The following CTNND2 variants were observed in gnomAD, a reference collection of about 807,000 sequenced individuals.
CTNND2 encodes catenin delta-2.
In CTNND2, 22 loss-of-function variants were observed where a neutral mutation model predicts 144.4. That is an observed-to-expected ratio of 0.15 (90% CI 0.11 to 0.22). CTNND2 has a LOEUF of 0.22. CTNND2 is among the 10% of genes least tolerant of loss of function. CTNND2 has a pLI of 1.00. For missense variants in CTNND2, 1,353 were observed against 1,618.8 expected (o/e 0.84, Z 2.82); for synonymous variants, 751 against 695.6 (o/e 1.08, Z -1.25).
intron 6 of CTNND2, among the ~76,000 whole-genome samples, chr5:11,391,859 C>T (rs1759653470): frequency 6.6e-6 from 1 of 152,216 alleles, no homozygotes; most frequent in East Asian, 1.9e-4. Flanking sequence ...TGATGTCCCA[C>T]TGACACTGAA....
chr5:11,275,734 T>C (rs769832144), intron 9 of CTNND2, among the ~76,000 whole-genome samples: 25 of 152,256 alleles, frequency 1.6e-4, no homozygotes, highest in Non-Finnish European at 2.5e-4. Context: ...AGCAAGACTT[T>C]GAAACAGCTA....
At chr5:11,404,394 A>G (rs1760896404) in intron 5 of CTNND2, among the ~76,000 whole-genome samples, 3 of 152,052 alleles carry the variant, frequency 2.0e-5, no homozygotes, top group Admixed American at 2.0e-4. Flanking sequence ...TTTTCTGACT[A>G]GAATGTAAAT....
intron 3 of CTNND2, among the ~76,000 whole-genome samples, chr5:11,459,794 T>C (rs1430717465): frequency 1.3e-5 from 2 of 152,182 alleles, no homozygotes; most frequent in Non-Finnish European, 2.9e-5. Context: ...TTAGTCAAGA[T>C]TGTATTTAAT....
rs948399598 is a variant in CTNND2 at position 11,871,958 on chromosome 5, C to T, written c.37+31859G>A. On this transcript the variant is annotated intron_variant, in intron 1 of 21. Transcript: ENST00000304623. Reference sequence around the variant, plus strand: ...TTCTGGGACACATGTGCAGAATACACGTGCCATGGTGGTTTGCTGCATCCA... The same window carrying T: ...TTCTGGGACACATGTGCAGAATACATGTGCCATGGTGGTTTGCTGCATCCA... Among the ~76,000 whole-genome samples the T allele has an allele frequency of 3.3e-5, 5 of 152,184 alleles. No individual in the cohort carries two copies. In the East Asian group the frequency reaches 5.8e-4, roughly 18 times the overall value.
intron 9 of CTNND2, among the ~76,000 whole-genome samples, chr5:11,310,692 G>C (rs765599581): frequency 4.6e-5 from 7 of 151,674 alleles, no homozygotes; most frequent in Non-Finnish European, 8.8e-5. Context: ...CATCTCAGTA[G>C]ATGCCTCTCT....
At chr5:11,440,441 G>A (rs1226841757) in intron 3 of CTNND2, among the ~76,000 whole-genome samples, 1 of 152,112 alleles carries the variant, frequency 6.6e-6, no homozygotes, top group African/African-American at 2.4e-5. Flanking sequence ...TAATAAGACA[G>A]GCAATTTACC....
chr5:11,699,448 T>C (rs1206544817), intron 2 of CTNND2, among the ~76,000 whole-genome samples: 2 of 151,998 alleles, frequency 1.3e-5, no homozygotes, highest in African/African-American at 4.8e-5. Flanking sequence ...TATTTATGGG[T>C]ATGTGGAGTT....
chr5:11,235,127 A>G (rs1741482419), intron 10 of CTNND2, among the ~76,000 whole-genome samples: 1 of 152,306 alleles, frequency 6.6e-6, no homozygotes, highest in Admixed American at 6.5e-5. Context: ...GTGGGAGTCC[A>G]TCCCACTTCG....
At chr5:10,986,224 A>G (rs1280930515) in intron 20 of CTNND2, among the ~76,000 whole-genome samples, 2 of 152,352 alleles carry the variant, frequency 1.3e-5, no homozygotes, top group African/African-American at 2.4e-5. Flanking sequence ...GAAACATAGT[A>G]AATTTTATGT....
chr5:11,772,288 C>T (rs1044334246), intron 1 of CTNND2, among the ~76,000 whole-genome samples: 3 of 152,046 alleles, frequency 2.0e-5, no homozygotes, highest in Admixed American at 1.3e-4. Context: ...TTTTACACTT[C>T]GCATTAGATC....
intron 9 of CTNND2, among the ~76,000 whole-genome samples, chr5:11,255,000 T>C (rs1477634801): frequency 1.3e-5 from 2 of 152,216 alleles, no homozygotes; most frequent in African/African-American, 2.4e-5. Flanking sequence ...AAAATTTGTC[T>C]TTGGAGTCAT....
Position 11,839,980 on chromosome 5 carries a change from G to C in CTNND2, c.37+63837C>G, listed in dbSNP as rs935032163. 3.3e-5 allele frequency among the ~76,000 whole-genome samples: 5 copies of C among 152,248 alleles called. No individual in the cohort carries two copies. In the East Asian group the frequency reaches 7.7e-4, roughly 23 times the overall value. On this transcript the variant is annotated intron_variant, in intron 1 of 21. Coordinates refer to ENST00000304623, the MANE Select transcript of CTNND2 (RefSeq NM_001332.4). ...ATAAAGAGACATCTTAAATGTTAGT[G>C]ATCATTCTCTGAATCCAAAATTCAA...
intron 1 of CTNND2, among the ~76,000 whole-genome samples, chr5:11,795,954 G>T (rs1435263062): frequency 6.6e-6 from 1 of 152,196 alleles, no homozygotes; most frequent in Non-Finnish European, 1.5e-5. Flanking sequence ...TGATCTGGCA[G>T]AGAATCTGTT....
chr5:11,032,014 T>A (rs1209130786), intron 16 of CTNND2, among the ~76,000 whole-genome samples: 1 of 152,258 alleles, frequency 6.6e-6, no homozygotes, highest in Non-Finnish European at 1.5e-5. Context: ...TGTGATCATG[T>A]AAGCCAATTC....
rs564140292 is a variant in CTNND2, at chr5:11,466,927, A to G, written c.288-54858T>C. ...TCACACAGGTGCAATTCACCATGAA[A>G]GAAATCTGTGCTATGCCAATCTTCC... On this transcript the variant is annotated intron_variant, in intron 3 of 21. Transcript: ENST00000304623. Among the ~76,000 whole-genome samples the G allele has an allele frequency of 9.2e-5, 14 of 152,382 alleles. No individual in the cohort carries two copies. In the South Asian group the frequency reaches 2.3e-3, roughly 25 times the overall value.
chr5:11,870,781 A>G (rs1735043383), intron 1 of CTNND2, among the ~76,000 whole-genome samples: 1 of 152,228 alleles, frequency 6.6e-6, no homozygotes, highest in Non-Finnish European at 1.5e-5. Context: ...TAATGCCTGG[A>G]GGGAAACTTC....
intron 1 of CTNND2, among the ~76,000 whole-genome samples, chr5:11,850,580 AAT>A (rs1794966077): frequency 6.6e-6 from 1 of 152,202 alleles, no homozygotes; most frequent in Non-Finnish European, 1.5e-5. Flanking sequence ...ATTAATAAAA[AAT>A]ATTTCTTAAA....
At chr5:11,706,567 T>C (rs142855096) in intron 2 of CTNND2, among the ~76,000 whole-genome samples, 2 of 152,288 alleles carry the variant, frequency 1.3e-5, no homozygotes, top group East Asian at 3.9e-4. Context: ...AAGAGTACTC[T>C]CTTTCCCTTA....
chr5:11,399,848 A>G (rs16901572), intron 5 of CTNND2, among the ~76,000 whole-genome samples: 5,783 of 152,328 alleles, frequency 0.038, 360 homozygotes, highest in African/African-American at 0.13. Context: ...AGTCAAGACA[A>G]TAGCCAAAAC....
Sources: allele counts gnomAD v4.1 joint callset (sites outside exome capture counted in the v4.1 genomes callset), GRCh38; gene constraint gnomAD v4.1.1; transcripts MANE v1.5; gene names NCBI Gene and HGNC (gene_info 2026-07-23, HGNC 2026-07-21).